The following PUM2 variants were observed in gnomAD, a reference collection of about 807,000 sequenced individuals.
PUM2 encodes the protein pumilio RNA binding family member 2.
In PUM2, 57 loss-of-function variants were observed where a neutral mutation model predicts 124.5. The ratio of observed to expected loss-of-function variants is 0.46; its 90% CI spans 0.37 to 0.57. The LOEUF (loss-of-function observed/expected upper bound fraction) is 0.57. PUM2 is among the 20% of genes least tolerant of loss of function. PUM2 has a pLI of 0.00. For missense variants in PUM2, 1,065 were observed against 1,290.6 expected (o/e 0.83, Z 2.68); for synonymous variants, 460 against 446.1 (o/e 1.03, Z -0.39).
At chr2:20,312,160 T>C in intron 4 of PUM2, 76 bp downstream of exon 4, 1 of 1,334,950 alleles carries the variant, frequency 7.5e-7, no homozygotes. Context: ...AAAAACAAAT[T>C]GAATTAAAAA....
chr2:20,251,714 A>T lies in PUM2; in HGVS notation c.3066T>A (p.Ile1022=), dbSNP rs1663385668. Residue 1022 remains isoleucine (I), a splice_region_variant and synonymous_variant, in exon 21 of 21, where the codon ATT becomes ATA. Coordinates refer to ENST00000361078, the MANE Select transcript of PUM2 (RefSeq NM_015317.5). The stretch of plus-strand genomic sequence containing the variant: ...TGCGCAAAGTAGTAATGTGAGGTCG[A>T]ATCTGAAAAACAAATAATCTGCTTA... ...PAQRKIIMHK[I]RPHITTLRKY... 6.2e-7 allele frequency: 1 copy of T among 1,611,364 alleles called. No homozygotes were observed. Among genetic ancestry groups the T allele is most frequent in the Non-Finnish European group, 8.5e-7 (1 of 1,178,926 alleles).
intron 1 of PUM2, among the ~76,000 whole-genome samples, chr2:20,335,757 A>C (rs1266054959): frequency 6.6e-6 from 1 of 152,260 alleles, no homozygotes; most frequent in Non-Finnish European, 1.5e-5. Context: ...AGTGTTGTCA[A>C]CATACAGACT....
intron 13 of PUM2, among the ~76,000 whole-genome samples, chr2:20,269,672 TTA>T (rs1455363320): frequency 6.6e-6 from 1 of 152,194 alleles, no homozygotes; most frequent in Non-Finnish European, 1.5e-5. Context: ...ACTGTTAATT[TTA>T]TGACAATATG....
At chr2:20,335,684 T>A (rs908798959) in intron 1 of PUM2, among the ~76,000 whole-genome samples, 1 of 152,266 alleles carries the variant, frequency 6.6e-6, no homozygotes, top group African/African-American at 2.4e-5. Flanking sequence ...ATAGTATTAC[T>A]GACTCAATTA....
At chr2:20,321,636 GA>G (rs1040775803) in intron 2 of PUM2, among the ~76,000 whole-genome samples, 9 of 149,020 alleles carry the variant, frequency 6.0e-5, no homozygotes, top group African/African-American at 1.7e-4. Flanking sequence ...AGTTAAAGAG[GA>G]AAAAAAAAGG....
intron 1 of PUM2, among the ~76,000 whole-genome samples, chr2:20,333,596 TA>T (rs779928808): frequency 6.6e-6 from 1 of 152,236 alleles, no homozygotes; most frequent in Non-Finnish European, 1.5e-5. Flanking sequence ...AATGCATTAA[TA>T]TAGGACATTT....
intron 1 of PUM2, among the ~76,000 whole-genome samples, chr2:20,340,031 A>G (rs1412657111): frequency 6.6e-6 from 1 of 152,126 alleles, no homozygotes. Context: ...TTTAATTTAA[A>G]GCCAATATAT....
At chr2:20,320,490 A>G (rs892934147) in intron 2 of PUM2, among the ~76,000 whole-genome samples, 4 of 152,184 alleles carry the variant, frequency 2.6e-5, no homozygotes, top group Non-Finnish European at 5.9e-5. Flanking sequence ...AAGAAATTCA[A>G]TTTGAGCATG....
At chr2:20,290,187 A>G (rs1673682092) in intron 10 of PUM2, among the ~76,000 whole-genome samples, 1 of 152,242 alleles carries the variant, frequency 6.6e-6, no homozygotes, top group African/African-American at 2.4e-5. Context: ...CTATTAAGTT[A>G]TAAATAATAG....
At chr2:20,347,883 T>C (rs1242951922) in intron 1 of PUM2, among the ~76,000 whole-genome samples, 1 of 152,166 alleles carries the variant, frequency 6.6e-6, no homozygotes, top group Non-Finnish European at 1.5e-5. Flanking sequence ...GCAAATTAAG[T>C]GCTTTCTGCA....
At chr2:20,266,032 A>C (rs1201583443) in intron 13 of PUM2, among the ~76,000 whole-genome samples, 2 of 152,318 alleles carry the variant, frequency 1.3e-5, no homozygotes, top group South Asian at 2.1e-4. Context: ...TCAGCTCCTA[A>C]CAACAGAACT....
At chr2:20,348,252 T>A (rs2149175201) in intron 1 of PUM2, among the ~76,000 whole-genome samples, 1 of 152,204 alleles carries the variant, frequency 6.6e-6, no homozygotes, top group Non-Finnish European at 1.5e-5. Context: ...AAGTGTAATT[T>A]TTATCTTAAT....
chr2:20,330,466 G>C (rs1403972216), intron 1 of PUM2, among the ~76,000 whole-genome samples: 1 of 152,104 alleles, frequency 6.6e-6, no homozygotes, highest in Non-Finnish European at 1.5e-5. Flanking sequence ...AAACTTAGTT[G>C]ATCACGAAGA....
chr2:20,282,798 AT>A lies in PUM2; in HGVS notation c.1720+148del, dbSNP rs375533659. On this transcript the variant is annotated intron_variant, in intron 12 of 20. Transcript: ENST00000361078. ...GGTGAGTGTTGAAAAGATTTGCAGG[AT>A]TTTTTTTTCCTACAAATTAAACCAG... 649 of 919,494 alleles carry A rather than the reference AT, an allele frequency of 7.1e-4. 1 individual carries two copies. The East Asian group carries it at 0.01, about 15-fold the overall frequency. 57.0% of individuals were successfully genotyped at this position (919,494 alleles called of 1,614,324 possible).
intron 1 of PUM2, among the ~76,000 whole-genome samples, chr2:20,347,911 G>A (rs1688553074): frequency 6.6e-6 from 1 of 152,220 alleles, no homozygotes; most frequent in Non-Finnish European, 1.5e-5. Flanking sequence ...GACTCCCAGA[G>A]AGAAAGCGAG....
intron 7 of PUM2, among the ~76,000 whole-genome samples, chr2:20,306,431 C>T (rs761389953): frequency 6.6e-6 from 1 of 151,814 alleles, no homozygotes; most frequent in Non-Finnish European, 1.5e-5. Context: ...TATAAAGCCT[C>T]GAGAAATAAA....
intron 7 of PUM2, among the ~76,000 whole-genome samples, chr2:20,298,916 G>A (rs1676300673): frequency 6.6e-6 from 1 of 152,132 alleles, no homozygotes; most frequent in African/African-American, 2.4e-5. Flanking sequence ...TATCTTACTA[G>A]GCCTTAAAAT....
At chr2:20,313,323 A>G (rs1393218389) in intron 3 of PUM2, among the ~76,000 whole-genome samples, 1 of 152,338 alleles carries the variant, frequency 6.6e-6, no homozygotes, top group African/African-American at 2.4e-5. Flanking sequence ...TGGCTGGAGC[A>G]CACATCTTGA....
chr2:20,272,744 A>C (rs1359600468), intron 13 of PUM2, among the ~76,000 whole-genome samples: 1 of 152,198 alleles, frequency 6.6e-6, no homozygotes, highest in Non-Finnish European at 1.5e-5. Flanking sequence ...CAACTAGAAG[A>C]AAGCTGGTAT....
Sources: gnomAD v4.1 joint callset for allele counts (sites outside exome capture counted in the v4.1 genomes callset) on GRCh38, gnomAD v4.1.1 for gene constraint, MANE v1.5 for transcripts, NCBI Gene and HGNC (gene_info 2026-07-23, HGNC 2026-07-21) for gene names.